SKAP1: variants seen among roughly 807,000 people sequenced by gnomAD.
The protein encoded by SKAP1 is src kinase-associated phosphoprotein 1.
In SKAP1, 44 loss-of-function variants were observed where a neutral mutation model predicts 58.5. The ratio of observed to expected loss-of-function variants is 0.75; its 90% CI spans 0.59 to 0.97. The LOEUF is 0.97. SKAP1 is among the 50% of genes least tolerant of loss of function. The probability of loss-of-function intolerance (pLI) is 0.00; values close to 1 mark genes in which losing one functional copy is unlikely to be tolerated. For synonymous variants in SKAP1, 127 were observed against 149.7 expected (o/e 0.85, Z 1.11); for missense variants, 390 against 435.2 (o/e 0.90, Z 0.92).
At chr17:48,321,152 C>T (rs971220701) in intron 4 of SKAP1, among the ~76,000 whole-genome samples, 4 of 152,124 alleles carry the variant, frequency 2.6e-5, no homozygotes, top group Non-Finnish European at 5.9e-5. Flanking sequence ...AGGAACTACC[C>T]ATTTGTATAT....
intron 10 of SKAP1, among the ~76,000 whole-genome samples, chr17:48,170,173 C>T (rs1427479521): frequency 6.6e-6 from 1 of 152,190 alleles, no homozygotes; most frequent in Non-Finnish European, 1.5e-5. Context: ...TTATCTTTCA[C>T]CCTGTGTTCA....
chr17:48,392,866 T>A (rs574438211), intron 2 of SKAP1, among the ~76,000 whole-genome samples: 44 of 145,828 alleles, frequency 3.0e-4, no homozygotes, highest in African/African-American at 1.0e-3. Flanking sequence ...AAAAAAAATA[T>A]ATATATATAT....
chr17:48,212,234 G>A (rs868582218), intron 4 of SKAP1, among the ~76,000 whole-genome samples: 1 of 152,084 alleles, frequency 6.6e-6, no homozygotes, highest in African/African-American at 2.4e-5. Context: ...TTCCACTAAT[G>A]AAGAGTGAGA....
chr17:48,327,086 T>C (rs1256828799), intron 4 of SKAP1, among the ~76,000 whole-genome samples: 1 of 152,120 alleles, frequency 6.6e-6, no homozygotes, highest in Admixed American at 6.5e-5. Context: ...AGACGGGGTT[T>C]TGCCATGTTG....
intron 4 of SKAP1, among the ~76,000 whole-genome samples, chr17:48,229,205 GA>G (rs2065100939): frequency 6.6e-6 from 1 of 152,136 alleles, no homozygotes; most frequent in Non-Finnish European, 1.5e-5. Context: ...GCTTTAATAT[GA>G]AAATTTTATT....
At chr17:48,364,740 C>T (rs1392649724) in intron 2 of SKAP1, among the ~76,000 whole-genome samples, 1 of 152,132 alleles carries the variant, frequency 6.6e-6, no homozygotes, top group Non-Finnish European at 1.5e-5. Flanking sequence ...GGTTGTCTAA[C>T]GTTTTAGTGC....
At chr17:48,423,362 C>T (rs1323811837) in intron 1 of SKAP1, among the ~76,000 whole-genome samples, 1 of 152,074 alleles carries the variant, frequency 6.6e-6, no homozygotes, top group Non-Finnish European at 1.5e-5. Flanking sequence ...AAGTGTGACC[C>T]CAGAACTTCA....
intron 11 of SKAP1, among the ~76,000 whole-genome samples, chr17:48,146,002 G>A (rs942921593): frequency 2.3e-4 from 35 of 152,252 alleles, no homozygotes; most frequent in South Asian, 2.1e-4. Context: ...TTGTGTGCAT[G>A]TGTACGTAGG....
intron 4 of SKAP1, among the ~76,000 whole-genome samples, chr17:48,241,279 C>G (rs1276716916): frequency 6.6e-6 from 1 of 151,910 alleles, no homozygotes; most frequent in Non-Finnish European, 1.5e-5. Flanking sequence ...GGGCAAGAGG[C>G]CTGATGAATC....
chr17:48,215,139 A>G (rs1271795102), intron 4 of SKAP1, among the ~76,000 whole-genome samples: 1 of 151,952 alleles, frequency 6.6e-6, no homozygotes, highest in Non-Finnish European at 1.5e-5. Flanking sequence ...TACTAACTGT[A>G]ATGTTCCTAC....
chr17:48,381,563 T>G (rs966305124), intron 2 of SKAP1, among the ~76,000 whole-genome samples: 2 of 152,254 alleles, frequency 1.3e-5, no homozygotes, highest in Non-Finnish European at 2.9e-5. Flanking sequence ...GTGTTTTGTA[T>G]ACCTCAATAA....
intron 4 of SKAP1, among the ~76,000 whole-genome samples, chr17:48,268,076 GA>G (rs1171977547): frequency 6.6e-6 from 1 of 151,882 alleles, no homozygotes; most frequent in Non-Finnish European, 1.5e-5. Context: ...TCAAATCCTC[GA>G]AAGACAGACA....
intron 11 of SKAP1, among the ~76,000 whole-genome samples, chr17:48,153,165 C>G (rs1025558288): frequency 6.6e-6 from 1 of 152,114 alleles, no homozygotes; most frequent in African/African-American, 2.4e-5. Context: ...ATTTTATTCT[C>G]TTTTTAAAAA....
intron 10 of SKAP1, among the ~76,000 whole-genome samples, chr17:48,166,628 T>C (rs1313306478): frequency 5.3e-5 from 8 of 152,208 alleles, no homozygotes; most frequent in African/African-American, 1.9e-4. Flanking sequence ...TTACATTTTC[T>C]TGATTACTAA....
chr17:48,273,670 C>T (rs900859245), intron 4 of SKAP1, among the ~76,000 whole-genome samples: 2 of 152,134 alleles, frequency 1.3e-5, no homozygotes, highest in African/African-American at 4.8e-5. Flanking sequence ...CCACCCACCT[C>T]GGCCCCCCAA....
At chr17:48,405,505 CTTT>C (rs548488852) in intron 1 of SKAP1, among the ~76,000 whole-genome samples, 2 of 90,882 alleles carry the variant, frequency 2.2e-5, no homozygotes, top group Admixed American at 1.2e-4. Flanking sequence ...TCCTTTCTTT[CTTT>C]TTTTTTTTTT....
chr17:48,146,184 T>A (rs1260141617), intron 11 of SKAP1, among the ~76,000 whole-genome samples: 1 of 152,084 alleles, frequency 6.6e-6, no homozygotes, highest in East Asian at 1.9e-4. Context: ...CACAGGCCCC[T>A]GCTTTTAAAA....
rs78444355 is a variant in SKAP1 at position 48,202,403 on chromosome 17, C to T, written c.281-12903G>A. ...TATGTATTATCTCCTGGTCAAAGGGCCACTCCCAAGCCAAACCTCACCCTC... is the reference window on the plus strand; with the variant it reads ...TATGTATTATCTCCTGGTCAAAGGGTCACTCCCAAGCCAAACCTCACCCTC... On this transcript the variant is annotated intron_variant, in intron 4 of 12. Transcript: ENST00000336915. Among the ~76,000 whole-genome samples the T allele has an allele frequency of 3.8e-3, 577 of 152,068 alleles. 2 individuals carry two copies. The highest frequency in any genetic ancestry group is 0.013 in the African/African-American group (551 of 41,458).
chr17:48,430,915 C>T (rs2067910424), upstream of SKAP1, among the ~76,000 whole-genome samples: 1 of 152,160 alleles, frequency 6.6e-6, no homozygotes, highest in Admixed American at 6.5e-5. Context: ...CACACGGTCT[C>T]ATTCAAGGGA....
Sources: gnomAD v4.1 joint callset for allele counts (sites outside exome capture counted in the v4.1 genomes callset) on GRCh38, gnomAD v4.1.1 for gene constraint, MANE v1.5 for transcripts, NCBI Gene and HGNC (gene_info 2026-07-23, HGNC 2026-07-21) for gene names.